Variants in ACYP2 observed in about 807,000 individuals in gnomAD.
The protein encoded by ACYP2 is acylphosphatase 2.
A neutral mutation model predicts 11.2 loss-of-function variants in ACYP2; 12 were observed. That is an observed-to-expected ratio of 1.08 (90% CI 0.69 to 1.74). The LOEUF (loss-of-function observed/expected upper bound fraction) is 1.74. ACYP2 is among the 40% of genes most tolerant of loss of function. The pLI is 0.00. For missense variants in ACYP2, 134 were observed against 101.9 expected (o/e 1.31, Z -1.35); for synonymous variants, 43 against 32.2 (o/e 1.33, Z -1.13).
rs540216274 is a variant in ACYP2, at chr2:54,225,704, T to A, written c.405-78984T>A. 7.9e-5 allele frequency among the ~76,000 whole-genome samples: 12 copies of A among 152,320 alleles called. No homozygotes were observed. In the East Asian group the frequency reaches 2.3e-3, roughly 29 times the overall value. The stretch of plus-strand genomic sequence containing the variant: ...TTAAAGGAAATAAGTGTATAATATA[T>A]TATCCATACTAAATGAGAGGACCCA... On this transcript the variant is annotated intron_variant, in intron 6 of 6. Transcript: ENST00000607452.
intron 6 of ACYP2, among the ~76,000 whole-genome samples, chr2:54,177,889 TTTTC>T (rs1192380438): frequency 4.6e-5 from 6 of 129,914 alleles, no homozygotes; most frequent in African/African-American, 1.4e-4. Flanking sequence ...CTCCTGTTTC[TTTTC>T]TTTCTTTCTT....
chr2:54,131,888 T>C (rs1404087472), intron 4 of ACYP2, among the ~76,000 whole-genome samples: 2 of 152,198 alleles, frequency 1.3e-5, no homozygotes, highest in Non-Finnish European at 2.9e-5. Flanking sequence ...GCATTTCTGT[T>C]CCTTGGAGGA....
intron 2 of ACYP2, among the ~76,000 whole-genome samples, chr2:53,991,601 C>A (rs1416263177): frequency 1.3e-5 from 2 of 151,850 alleles, no homozygotes; most frequent in Non-Finnish European, 2.9e-5. Flanking sequence ...GACAGGGTTT[C>A]TCCATGTTGG....
intron 6 of ACYP2, among the ~76,000 whole-genome samples, chr2:54,282,636 C>T (rs1688899662): frequency 6.6e-6 from 1 of 152,134 alleles, no homozygotes; most frequent in South Asian, 2.1e-4. Context: ...TAGCCAACTA[C>T]AATGAACCAC....
chr2:54,005,287 T>C (rs1161019100), intron 2 of ACYP2, among the ~76,000 whole-genome samples: 1 of 152,168 alleles, frequency 6.6e-6, no homozygotes, highest in African/African-American at 2.4e-5. Context: ...ATTTTCTCCA[T>C]TGTGTTGTCT....
chr2:54,075,501 A>AT (rs1438827680), intron 4 of ACYP2, among the ~76,000 whole-genome samples: 1 of 92,188 alleles, frequency 1.1e-5, no homozygotes, highest in Admixed American at 1.0e-4. Context: ...CTGTCTCAAA[A>AT]TTAAAAAAAA....
chr2:54,122,639 A>G (rs1385968362), intron 4 of ACYP2, among the ~76,000 whole-genome samples: 2 of 152,196 alleles, frequency 1.3e-5, no homozygotes, highest in African/African-American at 4.8e-5. Flanking sequence ...TTTTCTTTCT[A>G]TATAGATATC....
chr2:54,040,030 G>T (rs904262615), intron 2 of ACYP2, among the ~76,000 whole-genome samples: 9 of 152,130 alleles, frequency 5.9e-5, no homozygotes, highest in African/African-American at 2.2e-4. Context: ...CCAGGCTTCT[G>T]TGTTGAGAAG....
intron 6 of ACYP2, among the ~76,000 whole-genome samples, chr2:54,244,602 T>A (rs1015479943): frequency 1.3e-5 from 2 of 152,250 alleles, no homozygotes; most frequent in Admixed American, 1.3e-4. Context: ...TTCTGTTTTC[T>A]TGATTTGTCT....
chr2:54,125,256 T>C (rs1369291843), intron 4 of ACYP2, among the ~76,000 whole-genome samples: 1 of 150,356 alleles, frequency 6.7e-6, no homozygotes, highest in Non-Finnish European at 1.5e-5. Flanking sequence ...GTCTTGTGGT[T>C]TTTATGTCTT....
At chr2:54,296,584 C>T (rs1437661813) in intron 6 of ACYP2, among the ~76,000 whole-genome samples, 4 of 152,160 alleles carry the variant, frequency 2.6e-5, no homozygotes, top group African/African-American at 9.7e-5. Flanking sequence ...ATTGTCTCCA[C>T]CACTGTTTAT....
intron 6 of ACYP2, among the ~76,000 whole-genome samples, chr2:54,226,182 T>G (rs1332610890): frequency 2.6e-5 from 4 of 152,172 alleles, no homozygotes; most frequent in Non-Finnish European, 4.4e-5. Flanking sequence ...TAAATTTACA[T>G]GATGTAGTGG....
chr2:54,099,862 C>A (rs1302566450), intron 4 of ACYP2, among the ~76,000 whole-genome samples: 1 of 152,148 alleles, frequency 6.6e-6, no homozygotes, highest in African/African-American at 2.4e-5. Context: ...GCTTGAGAAA[C>A]CTACATACAG....
intron 4 of ACYP2, among the ~76,000 whole-genome samples, chr2:54,117,632 A>G (rs528125311): frequency 6.6e-6 from 1 of 152,094 alleles, no homozygotes; most frequent in Admixed American, 6.5e-5. Flanking sequence ...TGTTTATGGA[A>G]CCTCGGTTGG....
intron 4 of ACYP2, among the ~76,000 whole-genome samples, chr2:54,075,620 G>C (rs999126464): frequency 6.6e-6 from 1 of 151,734 alleles, no homozygotes; most frequent in Non-Finnish European, 1.5e-5. Flanking sequence ...AAAGACCAGC[G>C]TGGCCAATAT....
In ACYP2 at chr2:54,117,416, T is replaced by A. The variant is rs1438164518; in HGVS notation, c.278-18037T>A. 2.0e-5 allele frequency among the ~76,000 whole-genome samples: 3 copies of A among 152,190 alleles called. No homozygotes were observed. In the East Asian group the frequency reaches 5.8e-4, roughly 29 times the overall value. ...GCTCAAGTGATCTTCTGCCTCAGCC[T>A]TCTAAGCAGCTGGGACTACAGGCTC... On this transcript the variant is annotated intron_variant, in intron 4 of 6. Transcript: ENST00000607452.
At chr2:54,045,918 C>T (rs1381996731) in intron 2 of ACYP2, among the ~76,000 whole-genome samples, 1 of 152,086 alleles carries the variant, frequency 6.6e-6, no homozygotes, top group Non-Finnish European at 1.5e-5. Flanking sequence ...GGCCTGTAAT[C>T]CCAGCACTTT....
chr2:54,110,858 G>A (rs1679422518), intron 4 of ACYP2, among the ~76,000 whole-genome samples: 1 of 152,030 alleles, frequency 6.6e-6, no homozygotes, highest in African/African-American at 2.4e-5. Flanking sequence ...ACCGATACCT[G>A]AGGAAAGGAA....
At chr2:54,135,584 A>C (rs2103775993) in intron 5 of ACYP2, 115 bp downstream of exon 2, 1 of 736,602 alleles carries the variant, frequency 1.4e-6, no homozygotes, top group South Asian at 2.0e-5. Context: ...CCTGTCCTTG[A>C]CAGCAAATGA....
Sources: allele counts gnomAD v4.1 joint callset (sites outside exome capture counted in the v4.1 genomes callset), GRCh38; gene constraint gnomAD v4.1.1; transcripts MANE v1.5; gene names NCBI Gene and HGNC (gene_info 2026-07-23, HGNC 2026-07-21).